ACOXL: variants seen among roughly 807,000 people sequenced by gnomAD.
ACOXL encodes the protein acyl-coenzyme A oxidase-like protein.
In ACOXL, 70 loss-of-function variants were observed where a neutral mutation model predicts 71.9. The observed-to-expected ratio is 0.97, with a 90% CI of 0.80 to 1.19. The LOEUF (loss-of-function observed/expected upper bound fraction) is 1.19, where lower values mean the gene tolerates loss of function less well. ACOXL is among the 50% of genes most tolerant of loss of function. The probability of loss-of-function intolerance (pLI) is 0.00; values close to 1 mark genes in which losing one functional copy is unlikely to be tolerated. For missense variants in ACOXL, 703 were observed against 736.3 expected (o/e 0.95, Z 0.52); for synonymous variants, 253 against 281.6 (o/e 0.90, Z 1.02).
rs543477143 is a variant in ACOXL at position 111,010,271 on chromosome 2, A to G, written c.1281+14267A>G. Among the ~76,000 whole-genome samples, 144 of 152,306 alleles carry G rather than the reference A, an allele frequency of 9.5e-4. 3 individuals are homozygous for G. In the South Asian group the frequency reaches 0.029, roughly 31 times the overall value. ...TCAGGAGATTGTTGAACGATATGAA[A>G]AAGGAAACCAAATGGAAATTCTAGA... On this transcript the variant is annotated intron_variant, in intron 14 of 17. Coordinates refer to ENST00000439055, the MANE Select transcript of ACOXL (RefSeq NM_001142807.4).
chr2:110,983,948 C>G (rs2149536484), intron 12 of ACOXL, among the ~76,000 whole-genome samples: 1 of 152,222 alleles, frequency 6.6e-6, no homozygotes, highest in South Asian at 2.1e-4. Context: ...CTCCCGGGTT[C>G]AAGTGATTCT....
intron 10 of ACOXL, among the ~76,000 whole-genome samples, chr2:110,867,395 GTCCA>G (rs1006045914): frequency 1.3e-5 from 2 of 152,158 alleles, no homozygotes; most frequent in African/African-American, 2.4e-5. Context: ...ATCTCTCTGT[GTCCA>G]TCCATCATTC....
intron 12 of ACOXL, among the ~76,000 whole-genome samples, chr2:110,961,378 T>C (rs552954105): frequency 2.6e-5 from 4 of 152,338 alleles, no homozygotes; most frequent in Admixed American, 2.6e-4. Context: ...TTGCCTGTTC[T>C]TTTAGAGACT....
At chr2:111,058,881 TCTC>T (rs927551254) in intron 16 of ACOXL, among the ~76,000 whole-genome samples, 2 of 152,116 alleles carry the variant, frequency 1.3e-5, no homozygotes, top group African/African-American at 4.8e-5. Context: ...TCTTCTTGGG[TCTC>T]CTGATGGAAT....
At chr2:111,100,805 T>A (rs573082142) in intron 17 of ACOXL, 1 of 152,776 alleles carries the variant, frequency 6.5e-6, no homozygotes, top group African/African-American at 2.4e-5. Flanking sequence ...AAGGAGCCAT[T>A]CGTTTCCTCC....
In ACOXL at chr2:110,938,687, GAATGAATGAATGAACGAATA is replaced by G. The variant is rs1354025967; in HGVS notation, c.1059+5060_1059+5079del. ...TGATGTGCACAGACATTGAATGAAT[GAATGAATGAATGAACGAATA>G]AATGAATGAATGAATGAATGAAAGA... is the stretch of plus-strand genomic sequence containing the variant. On this transcript the variant is annotated intron_variant, in intron 12 of 17. Transcript: ENST00000439055. 9.2e-5 allele frequency among the ~76,000 whole-genome samples: 14 copies of G among 151,918 alleles called. No homozygotes were observed. The East Asian group carries it at 2.6e-3, about 28-fold the overall frequency.
chr2:110,932,228 G>A (rs961126243), intron 11 of ACOXL, among the ~76,000 whole-genome samples: 1 of 152,176 alleles, frequency 6.6e-6, no homozygotes, highest in African/African-American at 2.4e-5. Context: ...TAGTGTCAAA[G>A]AACAGTTCAG....
chr2:110,947,739 G>A (rs2061161587), intron 12 of ACOXL, among the ~76,000 whole-genome samples: 1 of 152,140 alleles, frequency 6.6e-6, no homozygotes, highest in African/African-American at 2.4e-5. Flanking sequence ...AAGCATGGGG[G>A]TCTACAGGTC....
intron 1 of ACOXL, among the ~76,000 whole-genome samples, chr2:110,736,116 A>G (rs1489921446): frequency 6.6e-6 from 1 of 152,096 alleles, no homozygotes; most frequent in Non-Finnish European, 1.5e-5. Flanking sequence ...GCTTTTCCCC[A>G]TGAGTATTTC....
chr2:110,982,878 A>G (rs1221930190), intron 12 of ACOXL, among the ~76,000 whole-genome samples: 4 of 152,182 alleles, frequency 2.6e-5, no homozygotes, highest in African/African-American at 7.2e-5. Context: ...CTCAGAAGGG[A>G]CCATGCTTGG....
intron 10 of ACOXL, among the ~76,000 whole-genome samples, chr2:110,845,129 C>G (rs1411473625): frequency 6.6e-6 from 1 of 152,182 alleles, no homozygotes; most frequent in Non-Finnish European, 1.5e-5. Flanking sequence ...AATTTATTTT[C>G]TCACAGTCCT....
intron 10 of ACOXL, among the ~76,000 whole-genome samples, chr2:110,882,810 T>C (rs1201641707): frequency 1.3e-5 from 2 of 152,154 alleles, no homozygotes; most frequent in Non-Finnish European, 2.9e-5. Context: ...ATCTAATCAG[T>C]TTTCTCTTTG....
intron 10 of ACOXL, among the ~76,000 whole-genome samples, chr2:110,900,086 TACACACACACACACACACAC>T (rs60758688): frequency 2.8e-5 from 4 of 143,228 alleles, no homozygotes; most frequent in African/African-American, 8.1e-5. Flanking sequence ...CACACACACA[TACACACACACACACACACAC>T]ACACACACAC....
chr2:110,920,388 G>A lies in ACOXL; in HGVS notation c.905+11483G>A, dbSNP rs144951929. Among the ~76,000 whole-genome samples the A allele has an allele frequency of 2.0e-5, 3 of 152,240 alleles. No homozygotes were observed. The East Asian group carries it at 5.8e-4, about 29-fold the overall frequency. On this transcript the variant is annotated intron_variant, in intron 11 of 17. Transcript: ENST00000439055. ...ATCTGTGTATCTTCTTTAGCAAAGT[G>A]TCCGTTCTGGTCTTTTATCAGTTTT... is the stretch of plus-strand genomic sequence containing the variant.
At chr2:110,953,727 G>T (rs893733522) in intron 12 of ACOXL, among the ~76,000 whole-genome samples, 2 of 152,202 alleles carry the variant, frequency 1.3e-5, no homozygotes, top group African/African-American at 4.8e-5. Context: ...AGTTCCACAG[G>T]CTGTAGAGGA....
intron 11 of ACOXL, among the ~76,000 whole-genome samples, chr2:110,918,564 A>T (rs879603470): frequency 6.6e-6 from 1 of 152,250 alleles, no homozygotes; most frequent in Non-Finnish European, 1.5e-5. Context: ...GGATCTAATT[A>T]AACTAAAGAG....
At chr2:111,101,443 A>G (rs1285116799) in intron 17 of ACOXL, among the ~76,000 whole-genome samples, 1 of 152,172 alleles carries the variant, frequency 6.6e-6, no homozygotes, top group Non-Finnish European at 1.5e-5. Flanking sequence ...TTTCTTTTTA[A>G]TGAACACTCA....
At chr2:110,924,310 A>ATCT (rs1389215170) in intron 11 of ACOXL, among the ~76,000 whole-genome samples, 1 of 152,208 alleles carries the variant, frequency 6.6e-6, no homozygotes, top group Non-Finnish European at 1.5e-5. Context: ...ATGTCTTAAG[A>ATCT]TAACAACGAA....
intron 15 of ACOXL, among the ~76,000 whole-genome samples, chr2:111,037,661 C>T (rs945010482): frequency 5.1e-4 from 78 of 152,312 alleles, no homozygotes; most frequent in African/African-American, 1.9e-3. Context: ...ATCTCCACAA[C>T]AACCTTGCAA....
Sources: gnomAD v4.1 joint callset for allele counts (sites outside exome capture counted in the v4.1 genomes callset) on GRCh38, gnomAD v4.1.1 for gene constraint, MANE v1.5 for transcripts, NCBI Gene and HGNC (gene_info 2026-07-23, HGNC 2026-07-21) for gene names.